CPQ: variants seen among roughly 807,000 people sequenced by gnomAD.
The protein encoded by CPQ is Ser-Met dipeptidase.
In CPQ, 37 loss-of-function variants were observed where a neutral mutation model predicts 45.7. That is an observed-to-expected ratio of 0.81 (90% confidence interval 0.62 to 1.07). The LOEUF is 1.07. Among genes scored for constraint, CPQ ranks in the 50% least tolerant of loss-of-function variants. The probability of loss-of-function intolerance (pLI) is 0.00; values close to 1 mark genes in which losing one functional copy is unlikely to be tolerated. For missense variants in CPQ, 537 were observed against 572.9 expected (o/e 0.94, Z 0.64); for synonymous variants, 186 against 205.8 (o/e 0.90, Z 0.82).
At chr8:96,993,308 A>G (rs538103786) in intron 5 of CPQ, among the ~76,000 whole-genome samples, 63 of 152,306 alleles carry the variant, frequency 4.1e-4, no homozygotes, top group African/African-American at 1.5e-3. Flanking sequence ...TATAGTGATT[A>G]CCAAATTCAA....
chr8:96,683,278 G>T (rs978227124), intron 1 of CPQ, among the ~76,000 whole-genome samples: 5 of 152,086 alleles, frequency 3.3e-5, no homozygotes, highest in African/African-American at 1.2e-4. Context: ...GGACAGATTT[G>T]CTAGGTATGG....
chr8:96,993,642 C>T (rs1193901511), intron 5 of CPQ, among the ~76,000 whole-genome samples: 1 of 151,926 alleles, frequency 6.6e-6, no homozygotes, highest in African/African-American at 2.4e-5. Flanking sequence ...AAACACTAAG[C>T]CTGTATGTCA....
intron 4 of CPQ, among the ~76,000 whole-genome samples, chr8:96,940,990 C>A (rs892121043): frequency 2.3e-4 from 35 of 152,144 alleles, no homozygotes; most frequent in African/African-American, 8.4e-4. Flanking sequence ...AGCCAGCATG[C>A]TTTTTCACCC....
intron 7 of CPQ, among the ~76,000 whole-genome samples, chr8:97,123,002 TATAAA>T (rs1554591573): frequency 1.3e-4 from 2 of 15,198 alleles, no homozygotes. Flanking sequence ...TAAAATAAAA[TATAAA>T]ATAAAATAAA....
chr8:96,667,291 A>T (rs1160276235), intron 1 of CPQ, among the ~76,000 whole-genome samples: 1 of 151,672 alleles, frequency 6.6e-6, no homozygotes, highest in African/African-American at 2.4e-5. Context: ...TGTAGTTCAG[A>T]TGATGGTGAT....
intron 1 of CPQ, among the ~76,000 whole-genome samples, chr8:96,738,228 T>C (rs1412028955): frequency 6.6e-6 from 1 of 152,110 alleles, no homozygotes; most frequent in Non-Finnish European, 1.5e-5. Flanking sequence ...ACACATTAAA[T>C]TAACCTTGTG....
intron 1 of CPQ, among the ~76,000 whole-genome samples, chr8:96,768,721 G>C (rs1334677718): frequency 6.6e-6 from 1 of 152,194 alleles, no homozygotes; most frequent in African/African-American, 2.4e-5. Context: ...TTTGCAGTAA[G>C]TGACTTGCTG....
rs183634302 is a variant in CPQ, at chr8:96,934,796, C to T, written c.850-31139C>T. On this transcript the variant is annotated intron_variant, in intron 4 of 7. Coordinates refer to ENST00000220763, the MANE Select transcript of CPQ (RefSeq NM_016134.4). ...AGTATGTCAAAGCTTAGAGGGAGCT[C>T]GGAGTTCATTATTTTAAGCCCCCTT... Among the ~76,000 whole-genome samples the T allele has an allele frequency of 9.2e-5, 14 of 152,154 alleles. No homozygotes were observed. In the East Asian group the frequency reaches 2.3e-3, roughly 25 times the overall value.
At chr8:96,827,016 G>T (rs1811388736) in intron 2 of CPQ, among the ~76,000 whole-genome samples, 1 of 151,860 alleles carries the variant, frequency 6.6e-6, no homozygotes, top group South Asian at 2.1e-4. Flanking sequence ...CATTTTCTTA[G>T]AGACAATGCC....
intron 1 of CPQ, among the ~76,000 whole-genome samples, chr8:96,674,074 T>A (rs1809041297): frequency 1.3e-5 from 2 of 152,150 alleles, no homozygotes; most frequent in African/African-American, 4.8e-5. Flanking sequence ...TCATAGGGAA[T>A]CTGTTTTAGT....
Position 97,143,489 on chromosome 8 carries a change from G to A in CPQ, c.*306G>A, listed in dbSNP as rs1812202031. On this transcript the variant is annotated 3_prime_UTR_variant, in exon 8 of 8. Coordinates refer to ENST00000220763, the MANE Select transcript of CPQ (RefSeq NM_016134.4). ...AAAAGTAAACACTTAATAAATTTTT[G>A]GAAGATCTCTGATTTTTATGTGTTC... 9.9e-6 allele frequency: 2 copies of A among 202,600 alleles called. No homozygotes were observed. Among genetic ancestry groups the A allele is most frequent in the Non-Finnish European group, 2.0e-5 (2 of 100,214 alleles). 12.6% of individuals were successfully genotyped at this position (202,600 alleles called of 1,614,324 possible). A position where few individuals can be genotyped will look rare whatever the true frequency, so the allele number is the denominator to read the frequency against.
At chr8:96,950,721 C>A (rs1294114508) in intron 4 of CPQ, among the ~76,000 whole-genome samples, 1 of 152,070 alleles carries the variant, frequency 6.6e-6, no homozygotes, top group Non-Finnish European at 1.5e-5. Context: ...TAATTAAATT[C>A]TAAAATGAAT....
intron 7 of CPQ, among the ~76,000 whole-genome samples, chr8:97,123,182 A>ATAAAATAAAATAAAATAAAATAAAAT (rs1811780036): frequency 2.5e-5 from 3 of 120,768 alleles, no homozygotes; most frequent in African/African-American, 1.0e-4. Flanking sequence ...TAAAATATAA[A>ATAAAATAAAATAAAATAAAATAAAAT]ATAAAATAAA....
At chr8:97,117,568 C>G (rs1342796056) in intron 7 of CPQ, among the ~76,000 whole-genome samples, 1 of 152,040 alleles carries the variant, frequency 6.6e-6, no homozygotes, top group East Asian at 1.9e-4. Flanking sequence ...GGATCTTGCC[C>G]TGTACCCAGG....
intron 4 of CPQ, among the ~76,000 whole-genome samples, chr8:96,954,900 A>G (rs1487016088): frequency 6.6e-6 from 1 of 152,090 alleles, no homozygotes; most frequent in Non-Finnish European, 1.5e-5. Context: ...TTCCAGCTTC[A>G]TCCATGTCCC....
chr8:96,854,550 A>ACAAAAACAAAAC (rs1811818201), intron 3 of CPQ, among the ~76,000 whole-genome samples: 1 of 119,038 alleles, frequency 8.4e-6, no homozygotes, highest in Non-Finnish European at 1.8e-5. Flanking sequence ...AAAAAAAAAA[A>ACAAAAACAAAAC]AAAAAAAAAT....
chr8:96,717,135 G>A (rs564944032), intron 1 of CPQ, among the ~76,000 whole-genome samples: 1 of 144,734 alleles, frequency 6.9e-6, no homozygotes, highest in Admixed American at 6.9e-5. Flanking sequence ...TGATTAATGG[G>A]CGTTGGGGCT....
At chr8:96,872,826 C>A (rs1008557353) in intron 3 of CPQ, among the ~76,000 whole-genome samples, 8 of 151,874 alleles carry the variant, frequency 5.3e-5, no homozygotes, top group African/African-American at 1.9e-4. Flanking sequence ...AATATTTATT[C>A]AATACTTTCT....
chr8:97,021,928 C>T (rs914610448), intron 5 of CPQ, among the ~76,000 whole-genome samples: 3 of 152,046 alleles, frequency 2.0e-5, no homozygotes, highest in Non-Finnish European at 4.4e-5. Context: ...ATAGCTGAAG[C>T]GAGACTAAGC....
Sources: allele counts gnomAD v4.1 joint callset (sites outside exome capture counted in the v4.1 genomes callset), GRCh38; gene constraint gnomAD v4.1.1; transcripts MANE v1.5; gene names NCBI Gene and HGNC (gene_info 2026-07-23, HGNC 2026-07-21).